Variants in IRF2 observed in about 807,000 individuals in gnomAD.
IRF2 encodes interferon regulatory factor 2.
A neutral mutation model predicts 40.6 loss-of-function variants in IRF2; 15 were observed. The ratio of observed to expected loss-of-function variants is 0.37; its 90% confidence interval spans 0.25 to 0.57. IRF2 has a LOEUF of 0.57. IRF2 is among the 20% of genes least tolerant of loss of function. IRF2 has a pLI of 0.77. For missense variants in IRF2, 317 were observed against 455.7 expected (o/e 0.70, Z 2.77); for synonymous variants, 151 against 165.5 (o/e 0.91, Z 0.67).
In IRF2 at chr4:184,408,126, T is replaced by C. The variant is rs921522070; in HGVS notation, c.529+32A>G. On this transcript the variant is annotated intron_variant, in intron 6 of 8. Coordinates refer to ENST00000393593, the MANE Select transcript of IRF2 (RefSeq NM_002199.4). This position sits in a 1 kb window ranked among gnomAD's most constrained non-coding sequence, Gnocchi z 4.9. ...TTTAGGCCCCAGGGGGCTGCTGGTA[T>C]GTATAAAAAATGAGACGTCAAAACA... The C allele has an allele frequency of 7.7e-7, 1 of 1,300,400 alleles. No individual in the cohort carries two copies. Among genetic ancestry groups the C allele is most frequent in the Non-Finnish European group, 1.1e-6 (1 of 897,948 alleles). 80.6% of individuals were successfully genotyped at this position (1,300,400 alleles called of 1,614,324 possible).
chr4:184,457,546 A>G (rs985610525), intron 1 of IRF2, among the ~76,000 whole-genome samples: 3 of 152,240 alleles, frequency 2.0e-5, no homozygotes, highest in African/African-American at 7.2e-5. Context: ...TAAACTTACT[A>G]TAATCACTCT....
At position 184,428,999 on chromosome 4, in the gene IRF2, C is replaced by G. The variant is rs142409473; in HGVS notation, c.66G>C (p.Pro22=). ...TCACCTTGTTAAGCCACTTGAGCCCCGGGATCGTGTTGGAGTTTATCTGCT... is the reference window on the plus strand; with the variant it reads ...TCACCTTGTTAAGCCACTTGAGCCCGGGGATCGTGTTGGAGTTTATCTGCT... ...LEEQINSNTI[P]GLKWLNKEKK... The change falls in exon 2 of 9, where the codon CCG becomes CCC. Residue 22 remains proline, a synonymous_variant. Transcript: ENST00000393593. 3.7e-6 allele frequency: 6 copies of G among 1,614,100 alleles called. No homozygotes were observed. In the South Asian group the frequency reaches 6.6e-5, roughly 18 times the overall value.
At chr4:184,422,528 G>A (rs546614614) in intron 2 of IRF2, among the ~76,000 whole-genome samples, 9 of 152,298 alleles carry the variant, frequency 5.9e-5, no homozygotes, top group South Asian at 4.1e-4. Context: ...GAAACAACCC[G>A]AGTGTCCATC....
At chr4:184,395,120 G>A (rs761266342) in intron 7 of IRF2, among the ~76,000 whole-genome samples, 3 of 152,212 alleles carry the variant, frequency 2.0e-5, no homozygotes, top group Admixed American at 6.5e-5. Flanking sequence ...GAATAAAGGT[G>A]GTCAGAGCAT....
intron 1 of IRF2, 119 bp from the exon 2 acceptor site, chr4:184,429,189 G>A: frequency 1.5e-6 from 1 of 673,400 alleles, no homozygotes. Flanking sequence ...TGGGGACCAG[G>A]GGGCTGGGGG....
At position 184,390,834 on chromosome 4, in the gene IRF2, C is replaced by G. The variant is rs1454826595; in HGVS notation, c.695-85G>C. 10 of 1,396,052 alleles carry G rather than the reference C, an allele frequency of 7.2e-6. No individual in the cohort carries two copies. The African/African-American group carries it at 1.4e-4, about 20-fold the overall frequency. 86.5% of individuals were successfully genotyped at this position (1,396,052 alleles called of 1,614,324 possible). On this transcript the variant is annotated intron_variant, in intron 7 of 8. Coordinates refer to ENST00000393593, the MANE Select transcript of IRF2 (RefSeq NM_002199.4). ...TCAGGCAGTGTTTATAAAAAGGAGA[C>G]TGAGTAACTAAACGCATCACCTCCC...
chr4:184,396,985 G>T (rs1442301303), intron 7 of IRF2, among the ~76,000 whole-genome samples: 1 of 152,110 alleles, frequency 6.6e-6, no homozygotes, highest in Non-Finnish European at 1.5e-5. Flanking sequence ...CTGTACCCAA[G>T]CACTGAGCAT....
At chr4:184,412,025 A>AAAAAG (rs1561094253) in intron 5 of IRF2, among the ~76,000 whole-genome samples, 14 of 148,596 alleles carry the variant, frequency 9.4e-5, no homozygotes, top group Non-Finnish European at 7.5e-5. Context: ...AAAAAAAAAA[A>AAAAAG]AAAAGACTCT....
chr4:184,453,206 T>C (rs1180508621), intron 1 of IRF2, among the ~76,000 whole-genome samples: 1 of 152,212 alleles, frequency 6.6e-6, no homozygotes, highest in African/African-American at 2.4e-5. Flanking sequence ...CATCATTTTT[T>C]TAAAGAGCAT....
chr4:184,420,813 T>C (rs371065153), intron 2 of IRF2, among the ~76,000 whole-genome samples: 3 of 152,238 alleles, frequency 2.0e-5, no homozygotes, highest in African/African-American at 4.8e-5. Context: ...ATTTCCATTT[T>C]ATAGCTGAGG....
At chr4:184,418,765 G>T in intron 3 of IRF2, 57 bp from the exon 4 acceptor site, 1 of 1,444,330 alleles carries the variant, frequency 6.9e-7, no homozygotes. Context: ...ACAGAGGAAG[G>T]AATTTCTGGA....
chr4:184,419,356 A>G lies in IRF2; in HGVS notation c.187+113T>C, dbSNP rs1051018071. The G allele has an allele frequency of 1.2e-5, 9 of 755,590 alleles. No homozygotes were observed. The African/African-American group carries it at 1.6e-4, about 13-fold the overall frequency. 46.8% of individuals were successfully genotyped at this position (755,590 alleles called of 1,614,324 possible). A position where few individuals can be genotyped will look rare whatever the true frequency, so the allele number is the denominator to read the frequency against. On this transcript the variant is annotated intron_variant, in intron 3 of 8. Coordinates refer to ENST00000393593, the MANE Select transcript of IRF2 (RefSeq NM_002199.4). ...CTGGATGTGCCTAGGGACAAGTCAC[A>G]GGTTTTTCAGAGCCATCTTCATGAG...
intron 5 of IRF2, among the ~76,000 whole-genome samples, chr4:184,416,137 C>A (rs904564169): frequency 4.6e-5 from 7 of 151,926 alleles, no homozygotes; most frequent in African/African-American, 1.7e-4. Flanking sequence ...AGAATGAAAC[C>A]TCACCTCTAT....
intron 1 of IRF2, among the ~76,000 whole-genome samples, chr4:184,431,810 A>G (rs935555899): frequency 1.3e-5 from 2 of 151,766 alleles, no homozygotes; most frequent in African/African-American, 2.4e-5. Flanking sequence ...TCCAGCTAGT[A>G]CTCAGAATAT....
At chr4:184,424,851 A>G (rs1737611900) in intron 2 of IRF2, among the ~76,000 whole-genome samples, 1 of 152,246 alleles carries the variant, frequency 6.6e-6, no homozygotes, top group South Asian at 2.1e-4. Flanking sequence ...ACTTTCTGAG[A>G]GCCATGTGAC....
chr4:184,421,424 G>A (rs1737478780), intron 2 of IRF2, among the ~76,000 whole-genome samples: 1 of 152,182 alleles, frequency 6.6e-6, no homozygotes, highest in Non-Finnish European at 1.5e-5. Flanking sequence ...GAAAGGGGCT[G>A]AGTGACATTT....
intron 5 of IRF2, among the ~76,000 whole-genome samples, chr4:184,416,267 A>G (rs1737263580): frequency 6.8e-6 from 1 of 147,166 alleles, no homozygotes; most frequent in Admixed American, 6.9e-5. Flanking sequence ...GCAGTGAGCT[A>G]TGATCGCGTC....
At chr4:184,424,448 C>T (rs1353106026) in intron 2 of IRF2, among the ~76,000 whole-genome samples, 1 of 152,108 alleles carries the variant, frequency 6.6e-6, no homozygotes, top group Non-Finnish European at 1.5e-5. Flanking sequence ...CATGAGGGCC[C>T]TGCCCTCATG....
At chr4:184,462,407 G>A (rs1374924620) in intron 1 of IRF2, among the ~76,000 whole-genome samples, 1 of 152,158 alleles carries the variant, frequency 6.6e-6, no homozygotes, top group Non-Finnish European at 1.5e-5. Flanking sequence ...TTGGCTCTCT[G>A]GATAAGTCTG....
Sources: allele counts gnomAD v4.1 joint callset (sites outside exome capture counted in the v4.1 genomes callset), GRCh38; gene constraint gnomAD v4.1.1; non-coding constraint Gnocchi (gnomAD v3.1); transcripts MANE v1.5; gene names NCBI Gene and HGNC (gene_info 2026-07-23, HGNC 2026-07-21).